The following LIMCH1 variants were observed in gnomAD, a reference collection of about 807,000 sequenced individuals.
LIMCH1 encodes the protein LIM and calponin homology domains 1, also known as LIM and calponin homology domains-containing protein 1.
LIMCH1 carries 113 observed loss-of-function variants against 176.5 expected under a neutral mutation model. The ratio of observed to expected loss-of-function variants is 0.64; its 90% CI spans 0.55 to 0.75. LIMCH1 has a LOEUF of 0.75. LIMCH1 is among the 30% of genes least tolerant of loss of function. The probability of loss-of-function intolerance (pLI) is 0.00; values close to 1 mark genes in which losing one functional copy is unlikely to be tolerated. For missense variants in LIMCH1, 1,674 were observed against 1,814.9 expected, an observed-to-expected ratio of 0.92 and a Z score of 1.41; for synonymous variants, 619 against 645.9, an observed-to-expected ratio of 0.96 and a Z score of 0.63.
intron 1 of LIMCH1, among the ~76,000 whole-genome samples, chr4:41,370,950 A>T (rs528840995): frequency 2.0e-5 from 3 of 152,206 alleles, no homozygotes; most frequent in Non-Finnish European, 4.4e-5. Flanking sequence ...AGCCACACAG[A>T]TAATCAGTGG....
intron 1 of LIMCH1, among the ~76,000 whole-genome samples, chr4:41,543,502 A>T (rs985149693): frequency 2.6e-5 from 4 of 152,160 alleles, no homozygotes; most frequent in Admixed American, 1.3e-4. Flanking sequence ...TTCGGCCCAT[A>T]TTGCACCAAA....
At chr4:41,473,147 G>A in intron 1 of LIMCH1, 1 of 985,410 alleles carries the variant, frequency 1.0e-6, no homozygotes, top group Non-Finnish European at 1.2e-6. Context: ...GTTGATGTGA[G>A]TGTGAATCTT....
chr4:41,666,865 C>T (rs1375894323), intron 21 of LIMCH1, among the ~76,000 whole-genome samples, 199 bp downstream of exon 21: 1 of 152,180 alleles, frequency 6.6e-6, no homozygotes, highest in Non-Finnish European at 1.5e-5. Flanking sequence ...AGACCAGGAA[C>T]CCTAGCTGCC....
At chr4:41,624,410 C>T (rs2092798255) in intron 7 of LIMCH1, among the ~76,000 whole-genome samples, 1 of 152,070 alleles carries the variant, frequency 6.6e-6, no homozygotes, top group Non-Finnish European at 1.5e-5. Flanking sequence ...CTACAGCCCT[C>T]CTTACCAAAC....
At chr4:41,460,791 AGTGGGTGTAGTT>A (rs2065262204) in intron 1 of LIMCH1, among the ~76,000 whole-genome samples, 1 of 151,912 alleles carries the variant, frequency 6.6e-6, no homozygotes, top group Non-Finnish European at 1.5e-5. Flanking sequence ...CTTTTATTTC[AGTGGGTGTAGTT>A]GACGGATGTT....
chr4:41,432,362 C>T (rs1244588787), intron 1 of LIMCH1, among the ~76,000 whole-genome samples: 2 of 152,158 alleles, frequency 1.3e-5, no homozygotes, highest in African/African-American at 4.8e-5. Flanking sequence ...ACTTTAGAGA[C>T]CTGGAAGCCT....
intron 14 of LIMCH1, among the ~76,000 whole-genome samples, chr4:41,640,339 T>C (rs2093767982): frequency 6.6e-6 from 1 of 152,240 alleles, no homozygotes; most frequent in African/African-American, 2.4e-5. Flanking sequence ...TCTTCATCAA[T>C]GCAAGGCTGC....
At chr4:41,448,855 A>T (rs1415209874) in intron 1 of LIMCH1, among the ~76,000 whole-genome samples, 1 of 152,146 alleles carries the variant, frequency 6.6e-6, no homozygotes, top group African/African-American at 2.4e-5. Context: ...AATATTCAGT[A>T]AAAAAGCTTT....
intron 26 of LIMCH1, 36 bp from the exon 27 acceptor site, chr4:41,684,359 TTC>T: frequency 6.3e-7 from 1 of 1,589,134 alleles, no homozygotes; most frequent in East Asian, 2.2e-5. Context: ...TCAGTTACTT[TTC>T]TCTCTGCTCT....
At chr4:41,462,570 A>G (rs1292075744) in intron 1 of LIMCH1, among the ~76,000 whole-genome samples, 2 of 152,248 alleles carry the variant, frequency 1.3e-5, no homozygotes, top group Non-Finnish European at 2.9e-5. Flanking sequence ...ACTTAAAAAA[A>G]TGCTTTGAAT....
chr4:41,591,841 G>A (rs2152723905), intron 1 of LIMCH1, among the ~76,000 whole-genome samples: 1 of 152,292 alleles, frequency 6.6e-6, no homozygotes, highest in African/African-American at 2.4e-5. Flanking sequence ...AGAAGGTTGG[G>A]CACAGAAGGG....
intron 1 of LIMCH1, among the ~76,000 whole-genome samples, chr4:41,435,129 C>CATAAG (rs1287872399): frequency 2.0e-5 from 3 of 152,048 alleles, no homozygotes; most frequent in Non-Finnish European, 4.4e-5. Flanking sequence ...CAAAAGTCCT[C>CATAAG]ATAAGAGGGG....
At chr4:41,656,838 C>T (rs1264146912) in intron 18 of LIMCH1, among the ~76,000 whole-genome samples, 1 of 152,188 alleles carries the variant, frequency 6.6e-6, no homozygotes, top group African/African-American at 2.4e-5. Flanking sequence ...GTTAAATGAT[C>T]AGTCCGAGCT....
At chr4:41,500,382 C>T (rs1212339989) in intron 2 of LIMCH1, among the ~76,000 whole-genome samples, 5 of 152,176 alleles carry the variant, frequency 3.3e-5, no homozygotes, top group Non-Finnish European at 7.4e-5. Context: ...TCTCCCTCCT[C>T]TTTTTGAGTA....
chr4:41,499,887 C>G (rs2072937600), intron 2 of LIMCH1, among the ~76,000 whole-genome samples: 1 of 152,206 alleles, frequency 6.6e-6, no homozygotes, highest in Non-Finnish European at 1.5e-5. Flanking sequence ...GCCTCTTTAG[C>G]TTCCCTAAAC....
chr4:41,639,456 G>A (rs924656835), intron 14 of LIMCH1, among the ~76,000 whole-genome samples: 6 of 152,064 alleles, frequency 3.9e-5, no homozygotes, highest in Non-Finnish European at 8.8e-5. Flanking sequence ...ATAAACTGTG[G>A]GATGCTTGAG....
chr4:41,650,356 T>C lies in LIMCH1; in HGVS notation c.2821-37T>C, dbSNP rs1469453865. 6.2e-6 allele frequency: 9 copies of C among 1,453,394 alleles called. No homozygotes were observed. In the African/African-American group the frequency reaches 8.4e-5, roughly 14 times the overall value. The allele number at this position is 1,453,394 out of a possible 1,614,324, so 90.0% of individuals were successfully genotyped here. On this transcript the variant is annotated intron_variant, in intron 17 of 31. Transcript: ENST00000503057. ...TTTGTTACAGTCTTTGATTGGGGTA[T>C]ATATAGCATGTTTTTTGTTCATTCT...
chr4:41,577,978 G>A (rs2084777916), intron 1 of LIMCH1, among the ~76,000 whole-genome samples: 1 of 152,088 alleles, frequency 6.6e-6, no homozygotes, highest in Non-Finnish European at 1.5e-5. Context: ...AAAGCTTTGT[G>A]AATGTCCATT....
intron 2 of LIMCH1, among the ~76,000 whole-genome samples, chr4:41,514,555 G>C (rs972586037): frequency 2.6e-5 from 4 of 152,108 alleles, no homozygotes; most frequent in African/African-American, 9.7e-5. Context: ...AGAGGTGAGA[G>C]GTAGGTATCA....
Sources: gnomAD v4.1 joint callset for allele counts (sites outside exome capture counted in the v4.1 genomes callset) on GRCh38, gnomAD v4.1.1 for gene constraint, MANE v1.5 for transcripts, NCBI Gene and HGNC (gene_info 2026-07-23, HGNC 2026-07-21) for gene names.